TMEM114: variants seen among roughly 807,000 people sequenced by gnomAD.
The protein encoded by TMEM114 is transmembrane protein 114.
Under a neutral mutation model 6.2 loss-of-function variants are expected in TMEM114, and 6 were observed. The ratio of observed to expected loss-of-function variants is 0.97; its 90% CI spans 0.53 to 1.91. The LOEUF is 1.91. TMEM114 is among the 40% of genes most tolerant of loss of function. The probability of loss-of-function intolerance (pLI) is 0.01; values close to 1 mark genes in which losing one functional copy is unlikely to be tolerated. For synonymous variants in TMEM114, 104 were observed against 73.0 expected (o/e 1.42, Z -2.16); for missense variants, 218 against 158.3 (o/e 1.38, Z -2.02).
chr16:8,549,748 A>G (rs1900784936), intron 2 of TMEM114, among the ~76,000 whole-genome samples: 1 of 152,252 alleles, frequency 6.6e-6, no homozygotes, highest in South Asian at 2.1e-4. Flanking sequence ...CTTACTTGCC[A>G]TGATGAAGAG....
intron 2 of TMEM114, among the ~76,000 whole-genome samples, chr16:8,560,869 G>T (rs1207069511): frequency 6.6e-6 from 1 of 152,154 alleles, no homozygotes; most frequent in Non-Finnish European, 1.5e-5. Flanking sequence ...CCTGAGACTG[G>T]GTAAATTATA....
intron 2 of TMEM114, among the ~76,000 whole-genome samples, chr16:8,539,157 C>T (rs144543305): frequency 2.0e-5 from 3 of 152,084 alleles, no homozygotes; most frequent in African/African-American, 7.2e-5. Flanking sequence ...AACATGTGAC[C>T]CATATGAATA....
At chr16:8,585,729 C>A (rs1357342029) in intron 2 of TMEM114, among the ~76,000 whole-genome samples, 3 of 152,104 alleles carry the variant, frequency 2.0e-5, no homozygotes, top group Non-Finnish European at 4.4e-5. Flanking sequence ...GGAATAATAG[C>A]AGCTACCACT....
intron 2 of TMEM114, among the ~76,000 whole-genome samples, chr16:8,559,253 G>C (rs1443537691): frequency 1.3e-5 from 2 of 151,892 alleles, no homozygotes; most frequent in Non-Finnish European, 2.9e-5. Flanking sequence ...GTGTTGGCCA[G>C]GCTGGTCTCC....
intron 2 of TMEM114, among the ~76,000 whole-genome samples, chr16:8,563,197 A>G (rs936262168): frequency 1.4e-5 from 2 of 147,598 alleles, no homozygotes; most frequent in Admixed American, 6.7e-5. Flanking sequence ...GAGTGAATGA[A>G]TGAGTGAATG....
At chr16:8,572,302 C>G in intron 2 of TMEM114, 78 bp from the exon 3 acceptor site, 3 of 1,507,698 alleles carry the variant, frequency 2.0e-6, no homozygotes, top group Non-Finnish European at 2.7e-6. Context: ...ACTTCCCGAG[C>G]ACCTACTAGA....
chr16:8,529,151 G>T, the TMEM114 span, among the ~76,000 whole-genome samples: 1 of 152,084 alleles, frequency 6.6e-6, no homozygotes, highest in Non-Finnish European at 1.5e-5. Flanking sequence ...AAGCAAGGAT[G>T]ACCAAAAATC....
intron 2 of TMEM114, among the ~76,000 whole-genome samples, chr16:8,574,418 T>C (rs190613970): frequency 4.6e-5 from 7 of 152,336 alleles, no homozygotes; most frequent in Admixed American, 2.0e-4. Context: ...ACCTCCACTC[T>C]GACCAAAATG....
the TMEM114 span, among the ~76,000 whole-genome samples, chr16:8,532,407 G>T: frequency 5.3e-5 from 8 of 151,970 alleles, no homozygotes; most frequent in African/African-American, 1.5e-4. Flanking sequence ...AAACTTCTAG[G>T]ACTTCTGAAT....
chr16:8,558,504 G>A (rs4419046), intron 2 of TMEM114, among the ~76,000 whole-genome samples: 56,443 of 151,972 alleles, frequency 0.37, 11,133 homozygotes, highest in East Asian at 0.52. Flanking sequence ...CTAACCCAAT[G>A]TAACTTCATC....
At chr16:8,558,377 T>C (rs564797293) in intron 2 of TMEM114, among the ~76,000 whole-genome samples, 6 of 152,294 alleles carry the variant, frequency 3.9e-5, no homozygotes, top group Admixed American at 1.3e-4. Flanking sequence ...CATCTTGGCT[T>C]GTGGCAGCAT....
intron 2 of TMEM114, among the ~76,000 whole-genome samples, chr16:8,556,230 C>G (rs949467979): frequency 6.6e-6 from 1 of 152,180 alleles, no homozygotes; most frequent in African/African-American, 2.4e-5. Context: ...ATCAGCCCCT[C>G]TGCCGGCCTT....
intron 2 of TMEM114, among the ~76,000 whole-genome samples, chr16:8,563,378 T>C (rs916113333): frequency 1.4e-5 from 2 of 143,888 alleles, no homozygotes; most frequent in Admixed American, 1.4e-4. Context: ...AGGGAATGAG[T>C]GAATGAGTGA....
chr16:8,542,011 A>T (rs1374283783), intron 2 of TMEM114, among the ~76,000 whole-genome samples: 1 of 152,174 alleles, frequency 6.6e-6, no homozygotes, highest in African/African-American at 2.4e-5. Context: ...GGCAGCTTTC[A>T]CCAGGACAGC....
intron 2 of TMEM114, among the ~76,000 whole-genome samples, chr16:8,562,846 AAGTG>A (rs1901311495): frequency 1.2e-5 from 1 of 82,440 alleles, no homozygotes; most frequent in African/African-American, 4.8e-5. Flanking sequence ...GTGAGTGAAT[AAGTG>A]AGTGAGTGAA....
At chr16:8,531,174 A>G in the TMEM114 span, among the ~76,000 whole-genome samples, 2 of 152,244 alleles carry the variant, frequency 1.3e-5, no homozygotes, top group African/African-American at 2.4e-5. Flanking sequence ...ATAGTTACTT[A>G]TTACACAGTG....
intron 2 of TMEM114, among the ~76,000 whole-genome samples, chr16:8,544,321 C>T (rs889434923): frequency 1.3e-5 from 2 of 152,132 alleles, no homozygotes; most frequent in African/African-American, 4.8e-5. Context: ...GTTTGTTGAG[C>T]ATTAACTGAG....
At position 8,570,136 on chromosome 16, in the gene TMEM114, G is replaced by C; in HGVS notation, c.440-131C>G. 2.4e-6 allele frequency: 3 copies of C among 1,252,362 alleles called. No individual in the cohort carries two copies. The East Asian group carries it at 7.7e-5, about 32-fold the overall frequency. 77.6% of individuals were successfully genotyped at this position (1,252,362 alleles called of 1,614,324 possible). On this transcript the variant is annotated intron_variant, in intron 3 of 3. Coordinates refer to ENST00000620492, the MANE Select transcript of TMEM114 (RefSeq NM_001146336.2). ...CGCTCCTTCCTGCTGCGGGACCTTT[G>C]CGCGTGCTAGTCTCCCCGCTGGGTG...
chr16:8,563,161 GTGAGTGAGTAAA>G (rs1901340911), intron 2 of TMEM114, among the ~76,000 whole-genome samples: 1 of 150,638 alleles, frequency 6.6e-6, no homozygotes, highest in Non-Finnish European at 1.5e-5. Flanking sequence ...GAATGAGTGA[GTGAGTGAGTAAA>G]TGAGTGAGTG....
Sources: allele counts gnomAD v4.1 joint callset (sites outside exome capture counted in the v4.1 genomes callset), GRCh38; gene constraint gnomAD v4.1.1; transcripts MANE v1.5; gene names NCBI Gene and HGNC (gene_info 2026-07-23, HGNC 2026-07-21).